Variants in PRLR observed in about 807,000 individuals in gnomAD.
The protein encoded by PRLR is prolactin receptor.
Under a neutral mutation model 40.2 loss-of-function variants are expected in PRLR, and 13 were observed. The observed-to-expected ratio is 0.32, with a 90% CI of 0.21 to 0.51. The LOEUF is 0.51. Ranked by LOEUF, PRLR falls within the 20% of genes least tolerant of loss-of-function variation. PRLR has a pLI of 0.97. For missense variants in PRLR, 656 were observed against 747.3 expected, an observed-to-expected ratio of 0.88 and a Z score of 1.42; for synonymous variants, 269 against 278.7, an observed-to-expected ratio of 0.97 and a Z score of 0.35.
At chr5:35,101,077 G>A (rs746323035) in intron 2 of PRLR, among the ~76,000 whole-genome samples, 8 of 152,272 alleles carry the variant, frequency 5.3e-5, no homozygotes, top group Middle Eastern at 3.4e-3. Flanking sequence ...TGATTAAGAC[G>A]GAAGCCTCCA....
At chr5:35,174,086 GGT>G (rs1491299351) in intron 1 of PRLR, among the ~76,000 whole-genome samples, 2 of 130,964 alleles carry the variant, frequency 1.5e-5, no homozygotes, top group African/African-American at 6.9e-5. Flanking sequence ...CTGGGTGTTC[GGT>G]TTTTTTTTTT....
chr5:35,221,390 G>C (rs1240057727), intron 1 of PRLR, among the ~76,000 whole-genome samples: 1 of 152,162 alleles, frequency 6.6e-6, no homozygotes, highest in African/African-American at 2.4e-5. Context: ...GAAAATTTTA[G>C]TGATGAGGCT....
intron 1 of PRLR, among the ~76,000 whole-genome samples, chr5:35,162,770 G>GC (rs1483954405): frequency 6.6e-6 from 1 of 152,184 alleles, no homozygotes; most frequent in African/African-American, 2.4e-5. Flanking sequence ...CTCTCCACAT[G>GC]CCTCGTCCCT....
chr5:35,210,246 A>C (rs1776135552), intron 1 of PRLR, among the ~76,000 whole-genome samples: 2 of 152,328 alleles, frequency 1.3e-5, no homozygotes, highest in South Asian at 4.1e-4. Context: ...ATGCAATTGA[A>C]TTTGATTGAG....
intron 1 of PRLR, among the ~76,000 whole-genome samples, chr5:35,185,473 T>C (rs1775401341): frequency 1.3e-5 from 2 of 151,842 alleles, no homozygotes. Context: ...GGTTCTAGGC[T>C]TGGGCCTTTT....
intron 1 of PRLR, among the ~76,000 whole-genome samples, chr5:35,137,642 G>T (rs1251503169): frequency 6.6e-6 from 1 of 152,220 alleles, no homozygotes; most frequent in Non-Finnish European, 1.5e-5. Context: ...GTTATTCTCT[G>T]ATGTCAAAGA....
intron 1 of PRLR, among the ~76,000 whole-genome samples, chr5:35,212,762 C>G (rs1001517619): frequency 6.6e-6 from 1 of 152,122 alleles, no homozygotes; most frequent in Non-Finnish European, 1.5e-5. Context: ...AAGTTTCTCT[C>G]AAAACTGAGG....
chr5:35,199,235 A>G (rs1447006763), intron 1 of PRLR, among the ~76,000 whole-genome samples: 1 of 152,172 alleles, frequency 6.6e-6, no homozygotes, highest in Non-Finnish European at 1.5e-5. Flanking sequence ...TGAGTGAGAG[A>G]CAGAATTCGA....
At position 35,057,591 on chromosome 5, in the gene PRLR, A is replaced by G. The variant is rs1448159217; in HGVS notation, c.*7498T>C. On this transcript the variant is annotated 3_prime_UTR_variant, in exon 10 of 10. Transcript: ENST00000618457. ...AGCAGTTAGTGTTATCTCCAATACT[A>G]TTGACAAAGATTTAACTACCCATGT... 2.6e-5 allele frequency: 4 copies of G among 152,158 alleles called. No homozygotes were observed. The highest frequency in any genetic ancestry group is 9.7e-5 in the African/African-American group (4 of 41,450). The allele number at this position is 152,158 out of a possible 1,614,324, so 9.4% of individuals were successfully genotyped here. A position where few individuals can be genotyped will look rare whatever the true frequency, so the allele number is the denominator to read the frequency against.
chr5:35,053,458 A>C (rs1483117838), downstream of PRLR, among the ~76,000 whole-genome samples: 2 of 152,110 alleles, frequency 1.3e-5, no homozygotes, highest in African/African-American at 4.8e-5. Flanking sequence ...TTTGAGACCA[A>C]CCTGCACAAC....
At chr5:35,183,445 G>A (rs775821621) in intron 1 of PRLR, among the ~76,000 whole-genome samples, 2 of 152,196 alleles carry the variant, frequency 1.3e-5, no homozygotes, top group Admixed American at 6.5e-5. Context: ...AGACATCACA[G>A]AACTGGGTAC....
intron 1 of PRLR, among the ~76,000 whole-genome samples, chr5:35,138,861 A>T (rs80075873): frequency 2.6e-5 from 4 of 152,224 alleles, no homozygotes; most frequent in African/African-American, 9.6e-5. Flanking sequence ...AAGAAAAAAA[A>T]TCTTCCAGTT....
chr5:35,156,127 TA>T (rs765998296), intron 1 of PRLR, among the ~76,000 whole-genome samples: 2,881 of 103,754 alleles, frequency 0.028, 40 homozygotes, highest in Non-Finnish European at 0.037. Context: ...TTGCTCAAGA[TA>T]AAAAAAAAAA....
chr5:35,117,367 T>C (rs552880021), intron 2 of PRLR, among the ~76,000 whole-genome samples: 4 of 152,330 alleles, frequency 2.6e-5, no homozygotes, highest in Admixed American at 2.6e-4. Context: ...TAACTTCCTC[T>C]GAATGAGAGA....
At chr5:35,174,201 T>C (rs1275335768) in intron 1 of PRLR, among the ~76,000 whole-genome samples, 2 of 151,932 alleles carry the variant, frequency 1.3e-5, no homozygotes, top group African/African-American at 4.8e-5. Flanking sequence ...GCAATTCTCC[T>C]GCCTCAGCCT....
chr5:35,146,894 A>G (rs1242220568), intron 1 of PRLR, among the ~76,000 whole-genome samples: 1 of 152,180 alleles, frequency 6.6e-6, no homozygotes, highest in Non-Finnish European at 1.5e-5. Flanking sequence ...CAAGGAAGAT[A>G]GATGGAAGTG....
intron 1 of PRLR, among the ~76,000 whole-genome samples, chr5:35,200,654 A>G (rs1271632143): frequency 1.3e-5 from 2 of 152,124 alleles, no homozygotes; most frequent in Non-Finnish European, 2.9e-5. Context: ...TATTGGTATG[A>G]GGTGTCAGGA....
chr5:35,086,406 G>A (rs559533801), intron 3 of PRLR, 66 bp from the exon 4 acceptor site: 2 of 1,577,604 alleles, frequency 1.3e-6, no homozygotes, highest in East Asian at 2.3e-5. Context: ...CCTTCTGCTG[G>A]TGACAGAAAC....
chr5:35,083,768 T>C (rs540792978), intron 5 of PRLR, among the ~76,000 whole-genome samples: 71 of 143,970 alleles, frequency 4.9e-4, no homozygotes, highest in Admixed American at 1.0e-3. Context: ...TCTGCCTGTC[T>C]TAGCCTCCCA....
Sources: gnomAD v4.1 joint callset for allele counts (sites outside exome capture counted in the v4.1 genomes callset) on GRCh38, gnomAD v4.1.1 for gene constraint, MANE v1.5 for transcripts, NCBI Gene and HGNC (gene_info 2026-07-23, HGNC 2026-07-21) for gene names.